Variants in CSMD2 observed in about 807,000 individuals in gnomAD.
CSMD2 encodes the protein CUB and sushi domain-containing protein 2.
In CSMD2, 130 loss-of-function variants were observed where a neutral mutation model predicts 398.5. The observed-to-expected ratio is 0.33, with a 90% CI of 0.28 to 0.38. The LOEUF is 0.38. CSMD2 is among the 10% of genes least tolerant of loss of function. CSMD2 has a pLI of 1.00. For missense variants in CSMD2, 3,829 were observed against 4,764.9 expected (o/e 0.80, Z 5.78); for synonymous variants, 1,828 against 1,908.5 (o/e 0.96, Z 1.10).
Position 33,605,282 on chromosome 1 carries a change from C to T in CSMD2, c.6532G>A (p.Val2178Ile), listed in dbSNP as rs1165908159. The change falls in exon 42 of 71, where the codon GTC becomes ATC. Residue 2178 changes from valine (V) to isoleucine (I), a missense_variant and splice_region_variant. This residue lies in a region of CSMD2 where 723 missense variants were observed against 758.6 expected (regional missense o/e 0.95). Transcript: ENST00000373381. ...TGCTGGGGATGAGGGAGCGACATACCTTCACACTTGGGCAGGGGGTGGTCC... is the reference window on the plus strand; with the variant it reads ...TGCTGGGGATGAGGGAGCGACATACTTTCACACTTGGGCAGGGGGTGGTCC... ...NWDHPLPKCE[V>I]PCGGNITSSN... 6.2e-7 allele frequency: 1 copy of T among 1,613,780 alleles called. No individual in the cohort carries two copies. Among genetic ancestry groups the T allele is most frequent in the Non-Finnish European group, 8.5e-7 (1 of 1,179,828 alleles).
intron 2 of CSMD2, among the ~76,000 whole-genome samples, chr1:34,077,388 C>T (rs1369127760): frequency 7.9e-6 from 1 of 126,948 alleles, no homozygotes; most frequent in African/African-American, 3.1e-5. Flanking sequence ...ACCTGGGAGG[C>T]GGAGCTTGCA....
intron 3 of CSMD2, among the ~76,000 whole-genome samples, chr1:33,954,631 A>G (rs936358769): frequency 1.1e-4 from 16 of 152,192 alleles, no homozygotes; most frequent in African/African-American, 3.9e-4. Flanking sequence ...GCCTGACAAA[A>G]GACGGGAATT....
intron 50 of CSMD2, 134 bp downstream of exon 50, chr1:33,572,372 C>T: frequency 3.5e-6 from 3 of 846,344 alleles, no homozygotes; most frequent in Non-Finnish European, 5.3e-6. Context: ...TTCTGAAATC[C>T]TCCAACCTCC....
chr1:33,748,819 ACT>A (rs1647763973), intron 13 of CSMD2, among the ~76,000 whole-genome samples: 1 of 152,174 alleles, frequency 6.6e-6, no homozygotes, highest in African/African-American at 2.4e-5. Context: ...ATTATATGAA[ACT>A]CTGTAGTCTT....
chr1:33,695,513 C>T (rs1230647976), intron 24 of CSMD2, among the ~76,000 whole-genome samples: 1 of 152,090 alleles, frequency 6.6e-6, no homozygotes, highest in African/African-American at 2.4e-5. Flanking sequence ...CTGGTGTTCT[C>T]CTCCTTCCTC....
At chr1:33,798,445 G>A (rs1348876132) in intron 10 of CSMD2, among the ~76,000 whole-genome samples, 1 of 152,190 alleles carries the variant, frequency 6.6e-6, no homozygotes, top group African/African-American at 2.4e-5. Context: ...CTGGAGGAGT[G>A]CAAAGAGGAG....
intron 3 of CSMD2, among the ~76,000 whole-genome samples, chr1:33,986,875 G>A (rs1315702101): frequency 3.3e-5 from 5 of 152,192 alleles, no homozygotes; most frequent in African/African-American, 9.7e-5. Flanking sequence ...GCCCCTGATT[G>A]CAATGTGGCA....
chr1:34,006,945 C>T (rs571180737), intron 3 of CSMD2, among the ~76,000 whole-genome samples: 12 of 152,144 alleles, frequency 7.9e-5, no homozygotes, highest in African/African-American at 2.6e-4. Context: ...TGACACGCTC[C>T]CATCTAGCCA....
intron 1 of CSMD2, among the ~76,000 whole-genome samples, chr1:34,121,565 G>A (rs1335450964): frequency 6.6e-6 from 1 of 152,152 alleles, no homozygotes; most frequent in Non-Finnish European, 1.5e-5. Flanking sequence ...GTAGGTCTGG[G>A]TGGGGCTTGA....
chr1:33,572,428 A>C, intron 50 of CSMD2, 78 bp downstream of exon 50: 2 of 1,257,658 alleles, frequency 1.6e-6, no homozygotes, highest in South Asian at 2.1e-5. Flanking sequence ...CTTTGCTTTT[A>C]GCTCACTCCT....
At chr1:33,746,409 T>G (rs886108959) in intron 13 of CSMD2, among the ~76,000 whole-genome samples, 1 of 152,198 alleles carries the variant, frequency 6.6e-6, no homozygotes, top group East Asian at 1.9e-4. Context: ...ACTGTGAGTA[T>G]GTGAGCAAAT....
intron 3 of CSMD2, among the ~76,000 whole-genome samples, chr1:33,971,594 G>A (rs1179376708): frequency 2.6e-5 from 4 of 152,248 alleles, no homozygotes; most frequent in South Asian, 2.1e-4. Context: ...TCACATCCTC[G>A]TGAAAGGACA....
chr1:33,903,952 T>C (rs1457819356), intron 5 of CSMD2, among the ~76,000 whole-genome samples: 2 of 152,152 alleles, frequency 1.3e-5, no homozygotes, highest in South Asian at 2.1e-4. Flanking sequence ...GAACAGCTAG[T>C]GCAGAAGCCC....
At chr1:34,038,201 A>T (rs3125608) in intron 2 of CSMD2, among the ~76,000 whole-genome samples, 104,705 of 152,068 alleles carry the variant, frequency 0.69, 36,329 homozygotes, top group East Asian at 0.8. Flanking sequence ...ATGAGCAAAT[A>T]AAACTTTCAG....
At chr1:33,705,546 C>T (rs1466497434) in intron 22 of CSMD2, among the ~76,000 whole-genome samples, 1 of 151,944 alleles carries the variant, frequency 6.6e-6, no homozygotes, top group African/African-American at 2.4e-5. Flanking sequence ...TTAATTGCTT[C>T]TTGAAGTTTT....
chr1:33,976,899 T>C (rs1190750688), intron 3 of CSMD2, among the ~76,000 whole-genome samples: 1 of 152,092 alleles, frequency 6.6e-6, no homozygotes. Context: ...ACCCCTTCCC[T>C]TTAGGTTCTT....
At position 33,557,795 on chromosome 1, in the gene CSMD2, G is replaced by A; in HGVS notation, c.8682C>T (p.Gly2894=). 6.5e-7 allele frequency: 1 copy of A among 1,536,120 alleles called. No homozygotes were observed. The highest frequency in any genetic ancestry group is 8.7e-7 in the Non-Finnish European group (1 of 1,146,920). The change falls in exon 55 of 71, where the codon GGC becomes GGT. Residue 2894 remains glycine, a synonymous_variant. Transcript: ENST00000373381. ...YRCNHGFYLL[G]TPVLSCQGDG... ...CTCCCTGGCAGCTGAGCACTGGGGT[G>A]CCCAGGAGGTAGAAGCCGTGGTTGC...
intron 1 of CSMD2, among the ~76,000 whole-genome samples, chr1:34,114,030 A>G (rs748699942): frequency 4.6e-5 from 7 of 152,302 alleles, no homozygotes; most frequent in Non-Finnish European, 1.0e-4. Flanking sequence ...CATACTTTCA[A>G]TGCCTGGGGG....
chr1:34,064,925 A>G (rs1473392524), intron 2 of CSMD2, among the ~76,000 whole-genome samples: 5 of 152,202 alleles, frequency 3.3e-5, no homozygotes, highest in Non-Finnish European at 7.3e-5. Flanking sequence ...AAAAGCGGAA[A>G]ACTCGGATAA....
Sources: allele counts gnomAD v4.1 joint callset (sites outside exome capture counted in the v4.1 genomes callset), GRCh38; gene constraint gnomAD v4.1.1; regional missense constraint gnomAD v4.1.1; transcripts MANE v1.5; gene names NCBI Gene and HGNC (gene_info 2026-07-23, HGNC 2026-07-21).